Variants in COL23A1 observed in about 807,000 individuals in gnomAD.
COL23A1 encodes the protein collagen type XXIII alpha 1 chain.
A neutral mutation model predicts 99.3 loss-of-function variants in COL23A1; 97 were observed. The observed-to-expected ratio is 0.98, with a 90% CI of 0.83 to 1.16. The LOEUF (loss-of-function observed/expected upper bound fraction) is 1.16. Ranked by LOEUF, COL23A1 falls within the 50% of genes most tolerant of loss-of-function variation. COL23A1 has a pLI of 0.00. For missense variants in COL23A1, 762 were observed against 757.4 expected (o/e 1.01, Z -0.07); for synonymous variants, 320 against 308.2 (o/e 1.04, Z -0.40).
At chr5:178,274,576 GT>G (rs1756479449) in intron 5 of COL23A1, among the ~76,000 whole-genome samples, 1 of 92,004 alleles carries the variant, frequency 1.1e-5, no homozygotes, top group African/African-American at 3.3e-5. Flanking sequence ...TTGGCTGGGT[GT>G]GGGGGGGGTC....
intron 2 of COL23A1, among the ~76,000 whole-genome samples, chr5:178,534,563 G>A (rs1264759084): frequency 2.0e-5 from 3 of 152,114 alleles, no homozygotes; most frequent in East Asian, 3.9e-4. Flanking sequence ...GGCAGATCAC[G>A]AGGTCAGGAG....
In COL23A1 at chr5:178,590,010, C is replaced by T. The variant is rs1764187701; in HGVS notation, c.188G>A (p.Gly63Asp). 1 of 1,354,838 alleles carries T rather than the reference C, an allele frequency of 7.4e-7. No homozygotes were observed. The allele number at this position is 1,354,838 out of a possible 1,614,324, so 83.9% of individuals were successfully genotyped here. A position where few individuals can be genotyped will look rare whatever the true frequency, so the allele number is the denominator to read the frequency against. Reference protein sequence around the residue: ...LLGVQAAALQGRVAALEEERE... With the variant: ...LLGVQAAALQDRVAALEEERE... The stretch of plus-strand genomic sequence containing the variant: ...CTCCTCCTCGAGCGCCGCCACCCGG[C>T]CCTGCAGCGCGGCCGCCTGGACACC... The change falls in exon 1 of 29, where the codon GGC becomes GAC. Residue 63 changes from glycine (G) to aspartate (D), a missense_variant. Gly to Asp is a moderately conservative substitution (Grantham distance 94, BLOSUM62 -1). Transcript: ENST00000390654. This position sits in a 1 kb window ranked among gnomAD's most constrained non-coding sequence, Gnocchi z 5.7.
intron 1 of COL23A1, among the ~76,000 whole-genome samples, chr5:178,582,325 C>G (rs1029575567): frequency 6.6e-6 from 1 of 151,780 alleles, no homozygotes; most frequent in Non-Finnish European, 1.5e-5. Context: ...GCAGCAGGAG[C>G]TGGAGCGCTA....
chr5:178,572,453 A>G (rs1763157965), intron 1 of COL23A1, among the ~76,000 whole-genome samples: 1 of 152,208 alleles, frequency 6.6e-6, no homozygotes, highest in Non-Finnish European at 1.5e-5. Flanking sequence ...ACAAAAAAAA[A>G]TCAAGAAAAC....
rs920066894 is a variant in COL23A1 at position 178,439,916 on chromosome 5, C to T, written c.361+120766G>A. On this transcript the variant is annotated intron_variant, in intron 2 of 28. Transcript: ENST00000390654. The surrounding 1 kb of genome is among the most constrained non-coding windows in gnomAD (Gnocchi z 4.2). ...GACGCTGAGTGACAGAAGCCAGACACAAAGGACTGGATTGTAGGAGTCCAT... is the reference window on the plus strand; with the variant it reads ...GACGCTGAGTGACAGAAGCCAGACATAAAGGACTGGATTGTAGGAGTCCAT... The T allele has an allele frequency of 3.9e-5, 6 of 152,318 alleles. No homozygotes were observed. The highest frequency in any genetic ancestry group is 1.4e-4 in the African/African-American group (6 of 41,558). The allele number at this position is 152,318 out of a possible 1,614,324, so 9.4% of individuals were successfully genotyped here.
At chr5:178,354,140 CT>C (rs146043731) in intron 2 of COL23A1, among the ~76,000 whole-genome samples, 1,710 of 148,488 alleles carry the variant, frequency 0.012, 32 homozygotes, top group African/African-American at 0.04. Flanking sequence ...CCATTTGAAT[CT>C]TTTTTTTTTC....
rs562130084 is a variant in COL23A1 at position 178,449,426 on chromosome 5, C to T, written c.361+111256G>A. Among the ~76,000 whole-genome samples the T allele has an allele frequency of 8.5e-5, 13 of 152,270 alleles. No homozygotes were observed. In the East Asian group the frequency reaches 2.1e-3, roughly 25 times the overall value. On this transcript the variant is annotated intron_variant, in intron 2 of 28. Coordinates refer to ENST00000390654, the MANE Select transcript of COL23A1 (RefSeq NM_173465.4). ...TGATAAGAGGTTTCTGGCTCAGAGCCGCTACAAACCGAGAGGTTTCTCGCT... is the reference window on the plus strand; with the variant it reads ...TGATAAGAGGTTTCTGGCTCAGAGCTGCTACAAACCGAGAGGTTTCTCGCT...
At chr5:178,498,625 G>C (rs1052371258) in intron 2 of COL23A1, among the ~76,000 whole-genome samples, 4 of 152,012 alleles carry the variant, frequency 2.6e-5, no homozygotes, top group Middle Eastern at 3.2e-3. Flanking sequence ...GAGACAATTG[G>C]AAATATTTTT....
At chr5:178,323,331 G>A (rs1759452181) in intron 2 of COL23A1, among the ~76,000 whole-genome samples, 1 of 152,128 alleles carries the variant, frequency 6.6e-6, no homozygotes, top group African/African-American at 2.4e-5. Flanking sequence ...AGGGCCCTGT[G>A]GTAACTGATC....
At chr5:178,562,103 G>C in intron 1 of COL23A1, 1 of 529,540 alleles carries the variant, frequency 1.9e-6, no homozygotes, top group South Asian at 1.5e-5. Context: ...AAGCCACAGC[G>C]TGGTGGCAGG....
chr5:178,358,047 T>TGTATGC, intron 2 of COL23A1, among the ~76,000 whole-genome samples: 3 of 151,246 alleles, frequency 2.0e-5, no homozygotes, highest in South Asian at 4.2e-4. Context: ...TATGTGTATG[T>TGTATGC]ATGTCTAATG....
rs4293939 is a variant in COL23A1, at chr5:178,517,568, G to C, written c.361+43114C>G. 1.5e-4 allele frequency among the ~76,000 whole-genome samples: 16 copies of C among 108,262 alleles called. 2 individuals are homozygous for C. The highest frequency in any genetic ancestry group is 9.0e-4 in the Admixed American group (8 of 8,936). 71.0% of individuals were successfully genotyped at this position (108,262 alleles called of 152,430 possible). On this transcript the variant is annotated intron_variant, in intron 2 of 28. Transcript: ENST00000390654. ...TCTCGGTGACAGCAGTTTTTTTTTT[G>C]TTTTTTTTTTTGAGATGGAGTCTCA...
In COL23A1 at chr5:178,306,579, CAG is replaced by C. The variant is rs1304517203; in HGVS notation, c.406+294_406+295del. ...CTGGCGGAGTCATCACCTTCTGCCTCAGAGAGAGGGGGCTGCTCTGGAGTGGG... is the reference window on the plus strand; with the variant it reads ...CTGGCGGAGTCATCACCTTCTGCCTCAGAGAGGGGGCTGCTCTGGAGTGGG... On this transcript the variant is annotated intron_variant, in intron 3 of 28. Transcript: ENST00000390654. This position sits in a 1 kb window ranked among gnomAD's most constrained non-coding sequence, Gnocchi z 4.1. Among the ~76,000 whole-genome samples the C allele has an allele frequency of 2.2e-5, 3 of 134,212 alleles. No homozygotes were observed. The highest frequency in any genetic ancestry group is 3.1e-5 in the Non-Finnish European group (2 of 65,298). The allele number at this position is 134,212 out of a possible 152,430, so 88.0% of individuals were successfully genotyped here.
intron 7 of COL23A1, 134 bp downstream of exon 7, chr5:178,268,596 C>T: frequency 1.3e-6 from 1 of 772,482 alleles, no homozygotes; most frequent in Non-Finnish European, 2.0e-6. Flanking sequence ...GATTCCCACT[C>T]TACAGATGGG....
chr5:178,250,047 A>G lies in COL23A1; in HGVS notation c.1059+14T>C, dbSNP rs374216802. 1 of 1,613,964 alleles carries G rather than the reference A, an allele frequency of 6.2e-7. No individual in the cohort carries two copies. The highest frequency in any genetic ancestry group is 1.3e-5 in the African/African-American group (1 of 74,930). On this transcript the variant is annotated intron_variant, in intron 18 of 28. Coordinates refer to ENST00000390654, the MANE Select transcript of COL23A1 (RefSeq NM_173465.4). The stretch of plus-strand genomic sequence containing the variant: ...AGGCACTGGCATCACCAAGGAAATG[A>G]AAGGCCCAGAGACCTTCTCTCCATC...
intron 2 of COL23A1, among the ~76,000 whole-genome samples, chr5:178,327,176 A>G (rs1281072296): frequency 6.6e-6 from 1 of 152,232 alleles, no homozygotes; most frequent in Non-Finnish European, 1.5e-5. Context: ...AAGATGTACT[A>G]ATGACCCACT....
chr5:178,454,889 C>T (rs115576851), intron 2 of COL23A1, among the ~76,000 whole-genome samples: 2,866 of 152,308 alleles, frequency 0.019, 90 homozygotes, highest in African/African-American at 0.062. Context: ...GGCTGGAAGC[C>T]GGAGTCAAGG....
At chr5:178,402,535 T>C (rs760925042) in intron 2 of COL23A1, among the ~76,000 whole-genome samples, 7 of 152,128 alleles carry the variant, frequency 4.6e-5, no homozygotes, top group Non-Finnish European at 8.8e-5. Context: ...CAATTGCACA[T>C]TTCAAAATAG....
chr5:178,293,450 G>A (rs1451990719), intron 3 of COL23A1, among the ~76,000 whole-genome samples: 1 of 152,156 alleles, frequency 6.6e-6, no homozygotes, highest in Non-Finnish European at 1.5e-5. Flanking sequence ...AAGCGAGGCC[G>A]TCAGCCTCAG....
Sources: allele counts gnomAD v4.1 joint callset (sites outside exome capture counted in the v4.1 genomes callset), GRCh38; gene constraint gnomAD v4.1.1; non-coding constraint Gnocchi (gnomAD v3.1); transcripts MANE v1.5; gene names NCBI Gene and HGNC (gene_info 2026-07-23, HGNC 2026-07-21).